CLIP1: variants seen among roughly 807,000 people sequenced by gnomAD.
CLIP1 encodes CAP-Gly domain-containing linker protein 1.
Under a neutral mutation model 161.6 loss-of-function variants are expected in CLIP1, and 66 were observed. That is an observed-to-expected ratio of 0.41 (90% CI 0.33 to 0.50). The LOEUF (loss-of-function observed/expected upper bound fraction) is 0.50, where lower values mean the gene tolerates loss of function less well. CLIP1 is among the 20% of genes least tolerant of loss of function. The probability of loss-of-function intolerance (pLI) is 0.27; values close to 1 mark genes in which losing one functional copy is unlikely to be tolerated. For synonymous variants in CLIP1, 598 were observed against 626.2 expected (o/e 0.96, Z 0.67); for missense variants, 1,376 against 1,702.0 (o/e 0.81, Z 3.37).
chr12:122,381,105 A>ATAATGTTTGCTTTGTT (rs1954992986), intron 1 of CLIP1, among the ~76,000 whole-genome samples: 1 of 152,186 alleles, frequency 6.6e-6, no homozygotes, highest in African/African-American at 2.4e-5. Context: ...TTTGTTTTAT[A>ATAATGTTTGCTTTGTT]TATCTAATGT....
chr12:122,296,471 G>A (rs935075966), intron 20 of CLIP1, among the ~76,000 whole-genome samples: 3 of 152,106 alleles, frequency 2.0e-5, no homozygotes, highest in Admixed American at 1.3e-4. Context: ...GTATATACAC[G>A]AGGAACACCA....
intron 1 of CLIP1, among the ~76,000 whole-genome samples, chr12:122,407,211 T>C (rs778919652): frequency 6.6e-6 from 1 of 152,160 alleles, no homozygotes; most frequent in Non-Finnish European, 1.5e-5. Context: ...GAAGAGACTG[T>C]AGCAATCTAG....
In CLIP1 at chr12:122,361,139, G is replaced by T. The variant is rs765996147; in HGVS notation, c.825C>A (p.Val275=). The part of the protein sequence containing the change: ...CQPKYGLFAP[V]HKVTKIGFPS... The stretch of plus-strand genomic sequence containing the variant: ...GGAAGCCAATCTTGGTAACTTTGTG[G>T]ACAGGAGCGAACAAGCCATATTTGG... Residue 275 remains valine (V), a synonymous_variant, in exon 5 of 26, where the codon GTC becomes GTA. Coordinates refer to ENST00000620786, the MANE Select transcript of CLIP1 (RefSeq NM_001247997.2). 1 of 1,614,200 alleles carries T rather than the reference G, an allele frequency of 6.2e-7. No homozygotes were observed. Among genetic ancestry groups the T allele is most frequent in the South Asian group, 1.1e-5 (1 of 91,072 alleles).
intron 18 of CLIP1, among the ~76,000 whole-genome samples, chr12:122,319,024 T>C (rs936897750): frequency 6.6e-6 from 1 of 152,234 alleles, no homozygotes; most frequent in Non-Finnish European, 1.5e-5. Flanking sequence ...AGCCACACTA[T>C]TAGGATTTTT....
At chr12:122,315,247 G>C (rs1951215513) in intron 19 of CLIP1, among the ~76,000 whole-genome samples, 1 of 152,138 alleles carries the variant, frequency 6.6e-6, no homozygotes, top group Admixed American at 6.5e-5. Flanking sequence ...GGAAATAAAA[G>C]ACACAAACCC....
chr12:122,306,719 G>T (rs902971430), intron 20 of CLIP1, among the ~76,000 whole-genome samples: 1 of 152,068 alleles, frequency 6.6e-6, no homozygotes, highest in Non-Finnish European at 1.5e-5. Context: ...CCTGTGAATG[G>T]CAAGATTCTG....
chr12:122,392,906 C>T (rs771969248), intron 1 of CLIP1, among the ~76,000 whole-genome samples: 34 of 152,008 alleles, frequency 2.2e-4, no homozygotes, highest in Non-Finnish European at 3.1e-4. Flanking sequence ...CTCAGCCTCC[C>T]GAGTAACTGG....
intron 25 of CLIP1, among the ~76,000 whole-genome samples, chr12:122,273,325 C>T (rs1955250505): frequency 6.6e-6 from 1 of 152,162 alleles, no homozygotes; most frequent in Non-Finnish European, 1.5e-5. Context: ...TCTTGGCTTA[C>T]TGCAATCTCC....
At chr12:122,377,314 T>C (rs1954787633) in intron 3 of CLIP1, 75 bp downstream of exon 3, 3 of 1,359,342 alleles carry the variant, frequency 2.2e-6, no homozygotes, top group Non-Finnish European at 3.1e-6. Flanking sequence ...AGCCCTGATG[T>C]GTGTGTATTT....
intron 3 of CLIP1, among the ~76,000 whole-genome samples, chr12:122,374,716 C>T (rs893896929): frequency 3.9e-5 from 6 of 152,080 alleles, no homozygotes; most frequent in East Asian, 3.9e-4. Context: ...GAGCCAAGAT[C>T]GCGCCACTGC....
At chr12:122,283,456 CTTTT>C (rs917336447) in intron 21 of CLIP1, among the ~76,000 whole-genome samples, 2 of 149,582 alleles carry the variant, frequency 1.3e-5, no homozygotes, top group African/African-American at 2.5e-5. Flanking sequence ...TTCTTTCTTT[CTTTT>C]CTTTTTTTTT....
At chr12:122,305,619 C>A (rs1399233569) in intron 20 of CLIP1, among the ~76,000 whole-genome samples, 1 of 152,136 alleles carries the variant, frequency 6.6e-6, no homozygotes. Context: ...AGTGTCAACT[C>A]GATTGGATTG....
chr12:122,390,279 CATATATATATATATATATATATAT>C (rs1361306812), intron 1 of CLIP1, among the ~76,000 whole-genome samples: 4 of 78,984 alleles, frequency 5.1e-5, no homozygotes, highest in Non-Finnish European at 8.1e-5. Context: ...TATATATATA[CATATATATATATATATATATATAT>C]GTATATATAT....
At chr12:122,408,814 T>A (rs940313530) in intron 1 of CLIP1, among the ~76,000 whole-genome samples, 3 of 151,868 alleles carry the variant, frequency 2.0e-5, no homozygotes, top group Non-Finnish European at 4.4e-5. Context: ...ACCTTGATAT[T>A]TTTTTTATTG....
In CLIP1 at chr12:122,288,969, C is replaced by T. The variant is rs555130559; in HGVS notation, c.3595-428G>A. Among the ~76,000 whole-genome samples, 344 of 151,416 alleles carry T rather than the reference C, an allele frequency of 2.3e-3. 7 individuals are homozygous for T. Among genetic ancestry groups the T allele is most frequent in the Non-Finnish European group, 3.4e-4 (23 of 67,730 alleles). ...TAGCTGGGACTACAGGCGCCCGCCA[C>T]AACGCCCGGCTAATTTTTTGTATTT... On this transcript the variant is annotated intron_variant, in intron 20 of 25. Transcript: ENST00000620786.
chr12:122,302,394 C>T (rs908027581), intron 20 of CLIP1, among the ~76,000 whole-genome samples: 4 of 152,120 alleles, frequency 2.6e-5, no homozygotes, highest in Non-Finnish European at 5.9e-5. Context: ...ACCACCATGC[C>T]CACCATAGAA....
chr12:122,419,295 G>A (rs1956854525), intron 1 of CLIP1, among the ~76,000 whole-genome samples: 1 of 151,598 alleles, frequency 6.6e-6, no homozygotes. Context: ...ACTTGAACCA[G>A]GAGGCAAAGG....
At chr12:122,289,637 T>C (rs1956013372) in intron 20 of CLIP1, among the ~76,000 whole-genome samples, 1 of 152,080 alleles carries the variant, frequency 6.6e-6, no homozygotes, top group Non-Finnish European at 1.5e-5. Context: ...TTCTCATGTA[T>C]AAAACAAAGA....
intron 19 of CLIP1, among the ~76,000 whole-genome samples, chr12:122,316,078 C>T (rs937552611): frequency 1.3e-5 from 2 of 151,772 alleles, no homozygotes; most frequent in African/African-American, 4.8e-5. Flanking sequence ...GCTGGCCAGG[C>T]GCAGTGGTTC....
Sources: allele counts gnomAD v4.1 joint callset (sites outside exome capture counted in the v4.1 genomes callset), GRCh38; gene constraint gnomAD v4.1.1; transcripts MANE v1.5; gene names NCBI Gene and HGNC (gene_info 2026-07-23, HGNC 2026-07-21).